The following ACTN2 variants were observed in gnomAD, a reference collection of about 807,000 sequenced individuals.
ACTN2 encodes the protein alpha-actinin-2.
A neutral mutation model predicts 113.8 loss-of-function variants in ACTN2; 39 were observed. The observed-to-expected ratio is 0.34, with a 90% confidence interval of 0.27 to 0.45. ACTN2 has a LOEUF of 0.45. Ranked by LOEUF, ACTN2 falls within the 20% of genes least tolerant of loss-of-function variation. The probability of loss-of-function intolerance (pLI) is 1.00; values close to 1 mark genes in which losing one functional copy is unlikely to be tolerated. For missense variants in ACTN2, 992 were observed against 1,177.9 expected (o/e 0.84, Z 2.31); for synonymous variants, 429 against 444.1 (o/e 0.97, Z 0.43).
At position 236,718,053 on chromosome 1, in the gene ACTN2, T is replaced by G; in HGVS notation, c.241+81T>G. 4.3e-6 allele frequency: 5 copies of G among 1,155,686 alleles called. No individual in the cohort carries two copies. The South Asian group carries it at 6.5e-5, about 15-fold the overall frequency. 71.6% of individuals were successfully genotyped at this position (1,155,686 alleles called of 1,614,324 possible). ...TATTTAAAGATGACTACATCAGAAGTTCGCTTTGAACTTGGCTGGGCAAGA... is the reference window on the plus strand; with the variant it reads ...TATTTAAAGATGACTACATCAGAAGGTCGCTTTGAACTTGGCTGGGCAAGA... On this transcript the variant is annotated intron_variant, in intron 2 of 20. Coordinates refer to ENST00000366578, the MANE Select transcript of ACTN2 (RefSeq NM_001103.4).
At chr1:236,743,127 G>A (rs1432150255) in intron 11 of ACTN2, 84 bp downstream of exon 11, 11 of 1,513,422 alleles carry the variant, frequency 7.3e-6, no homozygotes, top group South Asian at 5.7e-5. Context: ...TACTAACTCT[G>A]TGCCTAATGT....
Position 236,754,127 on chromosome 1 carries a change from G to A in ACTN2, c.1974+46G>A. The A allele has an allele frequency of 6.2e-7, 1 of 1,609,610 alleles. No homozygotes were observed. ...GCGCTGTTCACAAGCCTTGCGATAA[G>A]TCCCTTTAGCCACGCAGCAGTGACA... On this transcript the variant is annotated intron_variant, in intron 16 of 20. Transcript: ENST00000366578. The surrounding 1 kb of genome is among the most constrained non-coding windows in gnomAD (Gnocchi z 4.9).
intron 8 of ACTN2, 34 bp downstream of exon 8, chr1:236,735,754 T>C (rs771313660): frequency 1.3e-6 from 2 of 1,583,388 alleles, no homozygotes; most frequent in Non-Finnish European, 8.7e-7. Context: ...GCTGTTGTGT[T>C]ACTCTCTGTT....
chr1:236,686,821 GC>G, intron 1 of ACTN2, 22 bp downstream of exon 1: 1 of 1,457,064 alleles, frequency 6.9e-7, no homozygotes, highest in Non-Finnish European at 9.1e-7. Flanking sequence ...CCCGCGGGCC[GC>G]CCGCGCGTGG....
At chr1:236,720,416 C>A (rs1307008892) in intron 4 of ACTN2, among the ~76,000 whole-genome samples, 1 of 152,180 alleles carries the variant, frequency 6.6e-6, no homozygotes, top group Non-Finnish European at 1.5e-5. Context: ...ATGTTCAGAA[C>A]AGAAGTCGCT....
At chr1:236,704,099 A>C (rs913743745) in intron 1 of ACTN2, among the ~76,000 whole-genome samples, 4 of 152,214 alleles carry the variant, frequency 2.6e-5, no homozygotes, top group Non-Finnish European at 5.9e-5. Flanking sequence ...TTTGACGTGG[A>C]AAAGGAACTG....
rs1407988428 is a variant in ACTN2, at chr1:236,743,017, C to A, written c.1229C>A (p.Ala410Asp). 6.2e-7 allele frequency: 1 copy of A among 1,614,014 alleles called. No individual in the cohort carries two copies. The highest frequency in any genetic ancestry group is 8.5e-7 in the Non-Finnish European group (1 of 1,180,026). The change falls in exon 11 of 21, where the codon GCC becomes GAC. Residue 410 changes from alanine (A) to aspartate (D), a missense_variant. Transcript: ENST00000366578. ...CTGGCTGAGAAGTTCAGGCAGAAGG[C>A]CTCAACGCACGAGACTTGGGCTTAT... ...EHLAEKFRQK[A>D]STHETWAYGK...
chr1:236,699,435 CA>C (rs1223415619), intron 1 of ACTN2, among the ~76,000 whole-genome samples: 2 of 152,200 alleles, frequency 1.3e-5, no homozygotes, highest in Non-Finnish European at 2.9e-5. Context: ...GAAGGGGCCA[CA>C]GGAGAAGTCA....
chr1:236,740,682 G>A (rs558383754), intron 10 of ACTN2, among the ~76,000 whole-genome samples: 43 of 151,936 alleles, frequency 2.8e-4, no homozygotes, highest in African/African-American at 9.7e-4. Flanking sequence ...ACTGGTGCCC[G>A]CCACCACGGC....
intron 13 of ACTN2, 136 bp downstream of exon 13, chr1:236,747,911 A>G (rs1659285855): frequency 1.4e-6 from 1 of 717,252 alleles, no homozygotes; most frequent in African/African-American, 1.8e-5. Context: ...AGAAAACATG[A>G]AAAGTGGAAG....
At chr1:236,753,395 T>A (rs1413253656) in intron 15 of ACTN2, among the ~76,000 whole-genome samples, 3 of 152,194 alleles carry the variant, frequency 2.0e-5, no homozygotes, top group Admixed American at 1.3e-4. Context: ...ACGTGATATT[T>A]GTTGCAAGAG....
chr1:236,759,897 C>T lies in ACTN2; in HGVS notation c.2367+108C>T, dbSNP rs12730862. On this transcript the variant is annotated intron_variant, in intron 19 of 20. Coordinates refer to ENST00000366578, the MANE Select transcript of ACTN2 (RefSeq NM_001103.4). Reference sequence around the variant, plus strand: ...CAAGGTAGTGCATTTGGGATTGGTTCGTTTTCATTATATAGGATAATATTT... The same window carrying T: ...CAAGGTAGTGCATTTGGGATTGGTTTGTTTTCATTATATAGGATAATATTT... 0.068 allele frequency: 67,150 copies of T among 991,366 alleles called. 2,747 individuals carry two copies. The highest frequency in any genetic ancestry group is 0.14 in the Middle Eastern group (628 of 4,516). The allele number at this position is 991,366 out of a possible 1,614,324, so 61.4% of individuals were successfully genotyped here. A position where few individuals can be genotyped will look rare whatever the true frequency, so the allele number is the denominator to read the frequency against.
intron 1 of ACTN2, among the ~76,000 whole-genome samples, chr1:236,711,748 A>T (rs1024319371): frequency 6.6e-6 from 1 of 152,122 alleles, no homozygotes; most frequent in Non-Finnish European, 1.5e-5. Flanking sequence ...TTATGTGCCT[A>T]CTTTTTGGGA....
intron 3 of ACTN2, 52 bp downstream of exon 3, chr1:236,719,065 G>C: frequency 6.2e-7 from 1 of 1,611,452 alleles, no homozygotes; most frequent in Non-Finnish European, 8.5e-7. Context: ...AATAGCGTAG[G>C]TGTGGGCTGC....
At chr1:236,701,258 T>C (rs80308210) in intron 1 of ACTN2, among the ~76,000 whole-genome samples, 4,126 of 152,304 alleles carry the variant, frequency 0.027, 182 homozygotes, top group African/African-American at 0.093. Context: ...GACTTTTTTT[T>C]TCCCCCAAGT....
chr1:236,700,307 C>T (rs578195420), intron 1 of ACTN2, among the ~76,000 whole-genome samples: 4 of 152,248 alleles, frequency 2.6e-5, no homozygotes, highest in East Asian at 1.9e-4. Context: ...CTCAGCCTCC[C>T]GAGTAGCTGG....
At position 236,737,200 on chromosome 1, in the gene ACTN2, A is replaced by T; in HGVS notation, c.862A>T (p.Arg288Trp). The T allele has an allele frequency of 6.3e-7, 1 of 1,595,684 alleles. No individual in the cohort carries two copies. Among genetic ancestry groups the T allele is most frequent in the Non-Finnish European group, 8.6e-7 (1 of 1,168,184 alleles). The change falls in exon 9 of 21, where the codon AGG becomes TGG. Residue 288 changes from arginine (R) to tryptophan (W), a missense_variant. This residue lies in a region of ACTN2 where 736 missense variants were observed against 815.4 expected (regional missense o/e 0.90). Transcript: ENST00000366578. The stretch of plus-strand genomic sequence containing the variant: ...TGAGAGGCTGATGGAAGAATATGAG[A>T]GGCTAGCGAGTGAGGTAAAGGAAAC... ...ENERLMEEYERLASELLEWIR... is the reference protein window; with the variant it reads ...ENERLMEEYEWLASELLEWIR...
chr1:236,727,897 G>T, intron 6 of ACTN2, 141 bp downstream of exon 6: 1 of 776,362 alleles, frequency 1.3e-6, no homozygotes, highest in South Asian at 1.5e-5. Flanking sequence ...CATTCTCCCA[G>T]CTAGCCTTTC....
chr1:236,759,994 C>A (rs1190050669), intron 19 of ACTN2, among the ~76,000 whole-genome samples: 1 of 152,060 alleles, frequency 6.6e-6, no homozygotes, highest in Non-Finnish European at 1.5e-5. Flanking sequence ...GCCTGTAATC[C>A]CAGCACTTTG....
Sources: gnomAD v4.1 joint callset for allele counts (sites outside exome capture counted in the v4.1 genomes callset) on GRCh38, gnomAD v4.1.1 for gene constraint, gnomAD v4.1.1 regional missense constraint, Gnocchi (gnomAD v3.1) non-coding constraint, MANE v1.5 for transcripts, NCBI Gene and HGNC (gene_info 2026-07-23, HGNC 2026-07-21) for gene names.